PARPBP: variants seen among roughly 807,000 people sequenced by gnomAD.
The protein encoded by PARPBP is PCNA-interacting partner.
Under a neutral mutation model 50.0 loss-of-function variants are expected in PARPBP, and 52 were observed. The observed-to-expected ratio is 1.04, with a 90% CI of 0.83 to 1.31. PARPBP has a LOEUF of 1.31. Ranked by LOEUF, PARPBP falls within the 50% of genes most tolerant of loss-of-function variation. The pLI is 0.00. For missense variants in PARPBP, 697 were observed against 672.0 expected (o/e 1.04, Z -0.41); for synonymous variants, 244 against 232.1 (o/e 1.05, Z -0.47).
In PARPBP at chr12:102,186,425, G is replaced by C. The variant is rs115454642; in HGVS notation, c.1263+3798G>C. 6.5e-3 allele frequency among the ~76,000 whole-genome samples: 985 copies of C among 151,866 alleles called. 11 individuals carry two copies. The highest frequency in any genetic ancestry group is 0.022 in the African/African-American group (929 of 41,448). On this transcript the variant is annotated intron_variant, in intron 9 of 10. Transcript: ENST00000327680. Reference sequence around the variant, plus strand: ...TGCATATTTATGTTGCTTATTTGAAGTTTTTCTTGTTTTTGGATGTAGGTG... The same window carrying C: ...TGCATATTTATGTTGCTTATTTGAACTTTTTCTTGTTTTTGGATGTAGGTG...
chr12:102,162,524 A>T (rs991567360), intron 4 of PARPBP, among the ~76,000 whole-genome samples: 3 of 152,176 alleles, frequency 2.0e-5, no homozygotes, highest in Non-Finnish European at 2.9e-5. Context: ...ATTCCATGCA[A>T]GGAATTTAAT....
At chr12:102,180,664 T>C (rs1019867448) in intron 8 of PARPBP, among the ~76,000 whole-genome samples, 16 of 152,172 alleles carry the variant, frequency 1.1e-4, no homozygotes, top group African/African-American at 3.9e-4. Context: ...GAGGCCGCAG[T>C]GAGCTATGAT....
intron 9 of PARPBP, among the ~76,000 whole-genome samples, chr12:102,188,611 G>A (rs893495071): frequency 2.0e-5 from 3 of 152,056 alleles, no homozygotes; most frequent in African/African-American, 7.2e-5. Flanking sequence ...TCCTTTATGT[G>A]CAATATCCAG....
Position 102,193,093 on chromosome 12 carries a change from AT to A in PARPBP, c.1264-2217del, listed in dbSNP as rs549481228. On this transcript the variant is annotated intron_variant, in intron 9 of 10. Transcript: ENST00000327680. ...TGCCTTGTGATGGTAGTTTTCTGAAATTGTACTGGGGTCTCTGAGGAGTTTA... is the reference window on the plus strand; with the variant it reads ...TGCCTTGTGATGGTAGTTTTCTGAAATGTACTGGGGTCTCTGAGGAGTTTA... Among the ~76,000 whole-genome samples the A allele has an allele frequency of 2.8e-3, 424 of 151,836 alleles. 1 individual carries two copies. Among genetic ancestry groups the A allele is most frequent in the African/African-American group, 9.8e-3 (408 of 41,484 alleles).
intron 3 of PARPBP, chr12:102,152,102 T>C (rs1034821843): frequency 6.4e-6 from 2 of 314,092 alleles, no homozygotes; most frequent in African/African-American, 4.4e-5. Flanking sequence ...TCCCTTGCTC[T>C]GCTGCTTCCT....
intron 2 of PARPBP, among the ~76,000 whole-genome samples, chr12:102,145,818 T>G (rs1001413958): frequency 6.6e-6 from 1 of 152,236 alleles, no homozygotes; most frequent in South Asian, 2.1e-4. Flanking sequence ...TGTTACAGTT[T>G]CATGTGTCCA....
rs186725488 is a variant in PARPBP, at chr12:102,127,993, A to G, written c.153+3952A>G. Among the ~76,000 whole-genome samples, 281 of 152,364 alleles carry G rather than the reference A, an allele frequency of 1.8e-3. 1 individual carries two copies. The highest frequency in any genetic ancestry group is 6.5e-3 in the African/African-American group (272 of 41,598). On this transcript the variant is annotated intron_variant, in intron 2 of 10. Transcript: ENST00000327680. ...AAATGGCTTAACTGAGCAAATTAAT[A>G]TGCATTACCTCACATTCTTAACATT...
chr12:102,127,103 T>C (rs1056494034), intron 2 of PARPBP, among the ~76,000 whole-genome samples: 1 of 152,170 alleles, frequency 6.6e-6, no homozygotes, highest in African/African-American at 2.4e-5. Flanking sequence ...AGTCAGAATT[T>C]ACATTTATGG....
chr12:102,146,423 A>C (rs1347673499), intron 2 of PARPBP, among the ~76,000 whole-genome samples: 1 of 152,166 alleles, frequency 6.6e-6, no homozygotes, highest in Non-Finnish European at 1.5e-5. Context: ...CATATCTACA[A>C]CTATCTGATC....
chr12:102,146,417 T>A (rs1373898037), intron 2 of PARPBP, among the ~76,000 whole-genome samples: 1 of 152,040 alleles, frequency 6.6e-6, no homozygotes, highest in Non-Finnish European at 1.5e-5. Flanking sequence ...ATGCCACATA[T>A]CTACAACTAT....
chr12:102,189,583 T>C (rs530888921), intron 9 of PARPBP, among the ~76,000 whole-genome samples: 56 of 152,278 alleles, frequency 3.7e-4, no homozygotes, highest in Middle Eastern at 3.4e-3. Flanking sequence ...AGACCCATAT[T>C]AAGTGGAGGA....
chr12:102,133,508 C>G (rs1883171449), intron 2 of PARPBP, among the ~76,000 whole-genome samples: 2 of 151,952 alleles, frequency 1.3e-5, no homozygotes, highest in African/African-American at 2.4e-5. Context: ...ATGAGTGATC[C>G]TTTTAATGTG....
intron 4 of PARPBP, among the ~76,000 whole-genome samples, chr12:102,154,510 G>A (rs560990082): frequency 2.6e-5 from 4 of 152,154 alleles, no homozygotes; most frequent in Admixed American, 2.6e-4. Flanking sequence ...CATAGTAGTA[G>A]TACTTACGAA....
intron 2 of PARPBP, among the ~76,000 whole-genome samples, chr12:102,146,474 C>A (rs1594503921): frequency 6.6e-6 from 1 of 152,060 alleles, no homozygotes. Context: ...GGAAAGGATT[C>A]CCTATTTAAT....
At chr12:102,121,046 A>G (rs1880977526) in intron 1 of PARPBP, among the ~76,000 whole-genome samples, 2 of 152,196 alleles carry the variant, frequency 1.3e-5, no homozygotes, top group Admixed American at 6.5e-5. Context: ...GCAGCCTGCC[A>G]TTCAGAGTGC....
rs777715502 is a variant in PARPBP at position 102,197,077 on chromosome 12, G to A, written c.*786G>A. The A allele has an allele frequency of 6.2e-7, 1 of 1,611,894 alleles. No individual in the cohort carries two copies. Among genetic ancestry groups the A allele is most frequent in the Non-Finnish European group, 8.5e-7 (1 of 1,178,426 alleles). Reference sequence around the variant, plus strand: ...AGTATTCTGAACTCCATTCTCAGCTGGGAAAGCTACAGATCCTTTTAGTGC... The same window carrying A: ...AGTATTCTGAACTCCATTCTCAGCTAGGAAAGCTACAGATCCTTTTAGTGC... On this transcript the variant is annotated 3_prime_UTR_variant, in exon 11 of 11. Transcript: ENST00000327680.
At chr12:102,181,626 G>A (rs377244150) in intron 8 of PARPBP, among the ~76,000 whole-genome samples, 2 of 152,248 alleles carry the variant, frequency 1.3e-5, no homozygotes, top group South Asian at 2.1e-4. Flanking sequence ...GCACATGACC[G>A]TATTATAAAC....
chr12:102,171,412 A>G (rs957692427), intron 6 of PARPBP, among the ~76,000 whole-genome samples: 1 of 152,106 alleles, frequency 6.6e-6, no homozygotes, highest in East Asian at 1.9e-4. Context: ...GCTCCATTAT[A>G]ATATTATGGG....
intron 4 of PARPBP, among the ~76,000 whole-genome samples, chr12:102,155,545 A>G (rs1164777067): frequency 7.2e-6 from 1 of 138,382 alleles, no homozygotes; most frequent in Non-Finnish European, 1.5e-5. Context: ...TAATTAGGCT[A>G]AAACAGGAGG....
Sources: allele counts gnomAD v4.1 joint callset (sites outside exome capture counted in the v4.1 genomes callset), GRCh38; gene constraint gnomAD v4.1.1; transcripts MANE v1.5; gene names NCBI Gene and HGNC (gene_info 2026-07-23, HGNC 2026-07-21).